NUP210L: variants seen among roughly 807,000 people sequenced by gnomAD.
NUP210L encodes the protein nucleoporin 210 like, also known as nuclear pore membrane glycoprotein 210-like.
Under a neutral mutation model 208.5 loss-of-function variants are expected in NUP210L, and 74 were observed. The ratio of observed to expected loss-of-function variants is 0.35; its 90% CI spans 0.29 to 0.43. The LOEUF (loss-of-function observed/expected upper bound fraction) is 0.43. NUP210L is among the 20% of genes least tolerant of loss of function. The pLI, the probability that NUP210L is intolerant of heterozygous loss-of-function variation, is 1.00. For missense variants in NUP210L, 1,843 were observed against 2,289.4 expected, an observed-to-expected ratio of 0.81 and a Z score of 3.98; for synonymous variants, 780 against 816.9, an observed-to-expected ratio of 0.95 and a Z score of 0.77.
chr1:154,092,121 G>C (rs1175302427), intron 15 of NUP210L, among the ~76,000 whole-genome samples: 1 of 149,758 alleles, frequency 6.7e-6, no homozygotes, highest in Non-Finnish European at 1.5e-5. Flanking sequence ...TGTCGCCCAG[G>C]CTGGAGTGCA....
At chr1:154,052,437 A>G (rs1454354546) in intron 25 of NUP210L, among the ~76,000 whole-genome samples, 7 of 152,156 alleles carry the variant, frequency 4.6e-5, no homozygotes, top group African/African-American at 1.7e-4. Context: ...CTACCCGGGG[A>G]CAGATCAAGA....
rs533438783 is a variant in NUP210L at position 154,055,123 on chromosome 1, TTTTCTTTCTTTCTTTCTTTC to T, written c.3241-311_3241-292del. Among the ~76,000 whole-genome samples the T allele has an allele frequency of 4.5e-3, 522 of 117,222 alleles. 3 individuals carry two copies. Among genetic ancestry groups the T allele is most frequent in the South Asian group, 9.0e-3 (29 of 3,238 alleles). The allele number at this position is 117,222 out of a possible 152,430, so 76.9% of individuals were successfully genotyped here. On this transcript the variant is annotated intron_variant, in intron 23 of 39. Coordinates refer to ENST00000368559, the Ensembl canonical transcript of NUP210L. ...TCTTTCTTTTCTTTCTCTTTCTTTCTTTTCTTTCTTTCTTTCTTTCTTTCTTTCTTTCTTTCTTTCTTTCT... is the reference window on the plus strand; with the variant it reads ...TCTTTCTTTTCTTTCTCTTTCTTTCTTTTCTTTCTTTCTTTCTTTCTTTCT...
At chr1:154,037,292 T>TC (rs1173422206) in intron 27 of NUP210L, among the ~76,000 whole-genome samples, 13 of 152,148 alleles carry the variant, frequency 8.5e-5, no homozygotes, top group Non-Finnish European at 4.4e-5. Context: ...TATTGAAGTC[T>TC]CCAGTTAATG....
chr1:154,056,367 A>G (rs1653871396), intron 23 of NUP210L, among the ~76,000 whole-genome samples: 1 of 152,078 alleles, frequency 6.6e-6, no homozygotes. Flanking sequence ...ACAAAACCCA[A>G]AAATACTGCA....
At chr1:154,139,478 T>C (rs1009521207) in intron 5 of NUP210L, among the ~76,000 whole-genome samples, 1 of 152,186 alleles carries the variant, frequency 6.6e-6, no homozygotes. Context: ...AGAGGGCTTC[T>C]ACTATAGATA....
chr1:154,084,534 G>A (rs189575765), intron 16 of NUP210L, among the ~76,000 whole-genome samples: 1 of 151,336 alleles, frequency 6.6e-6, no homozygotes, highest in South Asian at 2.1e-4. Context: ...TACAGACAAG[G>A]TCTCACTATA....
intron 14 of NUP210L, among the ~76,000 whole-genome samples, chr1:154,095,462 A>T (rs1656134521): frequency 6.6e-6 from 1 of 152,168 alleles, no homozygotes; most frequent in Non-Finnish European, 1.5e-5. Context: ...TACCCTGTTC[A>T]TTTCCTAATG....
At chr1:154,100,233 T>C in intron 13 of NUP210L, 90 bp from the exon 14 acceptor site, 1 of 1,215,550 alleles carries the variant, frequency 8.2e-7, no homozygotes, top group Non-Finnish European at 1.2e-6. Context: ...GAAGATTGCT[T>C]GAGCTCCGAA....
chr1:154,121,456 G>GT (rs1370514394), intron 10 of NUP210L, among the ~76,000 whole-genome samples: 1 of 152,130 alleles, frequency 6.6e-6, no homozygotes, highest in Non-Finnish European at 1.5e-5. Context: ...TCCCCATTAT[G>GT]TAGTATACAT....
intron 37 of NUP210L, among the ~76,000 whole-genome samples, chr1:153,996,377 G>T (rs1206697617): frequency 6.6e-6 from 1 of 152,128 alleles, no homozygotes; most frequent in Non-Finnish European, 1.5e-5. Flanking sequence ...CACTAAACTT[G>T]TGATAGTATG....
intron 16 of NUP210L, among the ~76,000 whole-genome samples, chr1:154,088,233 G>A (rs1286560916): frequency 6.6e-6 from 1 of 151,960 alleles, no homozygotes; most frequent in Non-Finnish European, 1.5e-5. Flanking sequence ...AGCTAACTGG[G>A]GGGTTGAGTT....
intron 16 of NUP210L, among the ~76,000 whole-genome samples, chr1:154,081,520 A>G (rs1366438857): frequency 6.6e-6 from 1 of 152,172 alleles, no homozygotes; most frequent in East Asian, 1.9e-4. Context: ...GAGTTGGATA[A>G]GGACAGAAAG....
chr1:154,054,236 A>G, exon 25 of NUP210L: 1 of 1,614,120 alleles, frequency 6.2e-7, no homozygotes, highest in Non-Finnish European at 8.5e-7. Flanking sequence ...ACCTGAGAAA[A>G]CACAATGACT....
exon 36 of NUP210L, chr1:154,001,859 T>C: frequency 6.2e-7 from 1 of 1,614,190 alleles, no homozygotes; most frequent in Non-Finnish European, 8.5e-7. Context: ...GAGGATTCGT[T>C]GCATTCCATT....
At chr1:153,995,751 A>G (rs1557900661) in intron 37 of NUP210L, 3 of 764,094 alleles carry the variant, frequency 3.9e-6, no homozygotes, top group Non-Finnish European at 6.9e-6. Context: ...TGGATGGGAA[A>G]GCACCAAAAT....
intron 17 of NUP210L, among the ~76,000 whole-genome samples, chr1:154,068,166 C>A (rs1654512240): frequency 6.6e-6 from 1 of 152,164 alleles, no homozygotes; most frequent in African/African-American, 2.4e-5. Flanking sequence ...AGGCATCACA[C>A]TACCTGACTT....
Position 154,130,170 on chromosome 1 carries a change from C to G in NUP210L, c.1010-825G>C, listed in dbSNP as rs1658171028. 2.0e-5 allele frequency among the ~76,000 whole-genome samples: 3 copies of G among 152,038 alleles called. No homozygotes were observed. The South Asian group carries it at 6.2e-4, about 32-fold the overall frequency. On this transcript the variant is annotated intron_variant, in intron 7 of 39. Coordinates refer to ENST00000368559, the Ensembl canonical transcript of NUP210L. ...CCTGACCAACATGGTGAAACCCTGT[C>G]TTTACTAAAAATACAAAAATTAGCC...
At chr1:154,060,718 C>T (rs973609312) in intron 19 of NUP210L, 77 bp from the exon 20 acceptor site, 31 of 983,218 alleles carry the variant, frequency 3.2e-5, no homozygotes, top group Non-Finnish European at 4.7e-5. Flanking sequence ...TTCTACCTAC[C>T]TAAGAAAGAA....
At chr1:154,061,606 A>C in exon 18 of NUP210L, 1 of 1,601,040 alleles carries the variant, frequency 6.2e-7, no homozygotes, top group African/African-American at 1.3e-5. Flanking sequence ...TTCTTCTCTG[A>C]ATAGCCCACA....
Sources: allele counts gnomAD v4.1 joint callset (sites outside exome capture counted in the v4.1 genomes callset), GRCh38; gene constraint gnomAD v4.1.1; transcripts MANE v1.5; gene names NCBI Gene and HGNC (gene_info 2026-07-23, HGNC 2026-07-21).